ASIC2: variants seen among roughly 807,000 people sequenced by gnomAD.
ASIC2 encodes acid-sensing ion channel 2.
A neutral mutation model predicts 57.3 loss-of-function variants in ASIC2; 25 were observed. The ratio of observed to expected loss-of-function variants is 0.44; its 90% CI spans 0.32 to 0.61. The LOEUF is 0.61. Ranked by LOEUF, ASIC2 falls within the 20% of genes least tolerant of loss-of-function variation. ASIC2 has a pLI of 0.06. For missense variants in ASIC2, 641 were observed against 738.1 expected, an observed-to-expected ratio of 0.87 and a Z score of 1.52; for synonymous variants, 319 against 307.5, an observed-to-expected ratio of 1.04 and a Z score of -0.39.
At chr17:33,081,549 C>T (rs1016765561) in intron 3 of ASIC2, among the ~76,000 whole-genome samples, 3 of 141,368 alleles carry the variant, frequency 2.1e-5, no homozygotes, top group African/African-American at 9.4e-5. Context: ...GTAATAAATT[C>T]TCTCTTCTGC....
intron 1 of ASIC2, among the ~76,000 whole-genome samples, chr17:33,565,511 G>C (rs1487299521): frequency 2.0e-5 from 3 of 152,150 alleles, no homozygotes; most frequent in African/African-American, 7.2e-5. Flanking sequence ...ACAGTCCTTA[G>C]AGGTAAAGTG....
chr17:33,401,066 C>T (rs1275725756), intron 1 of ASIC2, among the ~76,000 whole-genome samples: 1 of 152,192 alleles, frequency 6.6e-6, no homozygotes, highest in Non-Finnish European at 1.5e-5. Flanking sequence ...ATGTGAATGA[C>T]ATCGCCGTCT....
chr17:33,891,713 G>A (rs777222971), intron 1 of ASIC2, among the ~76,000 whole-genome samples: 28 of 152,168 alleles, frequency 1.8e-4, no homozygotes, highest in Non-Finnish European at 3.5e-4. Flanking sequence ...GGCATATGAT[G>A]TGCAAACACT....
At chr17:33,606,347 A>T (rs1905232275) in intron 1 of ASIC2, among the ~76,000 whole-genome samples, 1 of 152,174 alleles carries the variant, frequency 6.6e-6, no homozygotes, top group Non-Finnish European at 1.5e-5. Context: ...TCTTAGAATT[A>T]CTGAGGCTTA....
chr17:33,701,055 G>A (rs2046898), intron 1 of ASIC2, among the ~76,000 whole-genome samples: 29,296 of 152,098 alleles, frequency 0.19, 3,401 homozygotes, highest in African/African-American at 0.33. Context: ...TGAGGTCACA[G>A]TATCAAGCTA....
intron 1 of ASIC2, among the ~76,000 whole-genome samples, chr17:34,127,693 G>A (rs914194454): frequency 6.6e-6 from 1 of 152,182 alleles, no homozygotes; most frequent in African/African-American, 2.4e-5. Flanking sequence ...GCTGCAGGAC[G>A]GATGCAACAG....
chr17:33,963,378 C>T (rs1345678509), intron 1 of ASIC2, among the ~76,000 whole-genome samples: 1 of 152,146 alleles, frequency 6.6e-6, no homozygotes, highest in East Asian at 1.9e-4. Flanking sequence ...CTGCCCCATG[C>T]TATTTCCCCA....
At chr17:33,485,466 A>G (rs1913547028) in intron 1 of ASIC2, among the ~76,000 whole-genome samples, 1 of 152,212 alleles carries the variant, frequency 6.6e-6, no homozygotes, top group African/African-American at 2.4e-5. Context: ...TCCACTTAGC[A>G]ATGTATACAG....
chr17:33,309,644 C>T (rs192138744), intron 1 of ASIC2, among the ~76,000 whole-genome samples: 1 of 152,004 alleles, frequency 6.6e-6, no homozygotes, highest in African/African-American at 2.4e-5. Context: ...CCTCTTGTGG[C>T]CTTTATCCCA....
intron 1 of ASIC2, among the ~76,000 whole-genome samples, chr17:33,163,924 G>A (rs1905232398): frequency 6.6e-6 from 1 of 152,170 alleles, no homozygotes; most frequent in Non-Finnish European, 1.5e-5. Context: ...ACATTTTTGA[G>A]GAAAGCCCAG....
chr17:33,913,957 A>G (rs543282194), intron 1 of ASIC2, among the ~76,000 whole-genome samples: 2 of 152,358 alleles, frequency 1.3e-5, no homozygotes, highest in South Asian at 4.1e-4. Context: ...TAAAACTCGG[A>G]GACTATGTCT....
chr17:34,075,828 T>C (rs1307500889), intron 1 of ASIC2, among the ~76,000 whole-genome samples: 1 of 55,482 alleles, frequency 1.8e-5, no homozygotes, highest in Non-Finnish European at 3.0e-5. Flanking sequence ...TTTTCCTTTT[T>C]TTTTTTTTTT....
intron 1 of ASIC2, among the ~76,000 whole-genome samples, chr17:34,140,840 C>T (rs541796777): frequency 6.6e-6 from 1 of 152,108 alleles, no homozygotes; most frequent in African/African-American, 2.4e-5. Context: ...ATTCAAAAAC[C>T]ATCATTTGGC....
intron 1 of ASIC2, among the ~76,000 whole-genome samples, chr17:33,121,823 T>C (rs2092303737): frequency 6.6e-6 from 1 of 152,152 alleles, no homozygotes; most frequent in South Asian, 2.1e-4. Flanking sequence ...GGATAATTAT[T>C]AAGACAGAGA....
intron 1 of ASIC2, among the ~76,000 whole-genome samples, chr17:33,584,103 G>C (rs1904535213): frequency 6.6e-6 from 1 of 152,130 alleles, no homozygotes; most frequent in South Asian, 2.1e-4. Flanking sequence ...CCATTTATTT[G>C]ATTAATTGAA....
intron 1 of ASIC2, among the ~76,000 whole-genome samples, chr17:33,970,947 G>A (rs1905212907): frequency 6.6e-6 from 1 of 152,172 alleles, no homozygotes; most frequent in African/African-American, 2.4e-5. Context: ...TCCTGCAAAA[G>A]AGGTAGCCAG....
chr17:33,714,165 T>C (rs977553687), intron 1 of ASIC2, among the ~76,000 whole-genome samples: 4 of 152,190 alleles, frequency 2.6e-5, no homozygotes, highest in African/African-American at 9.7e-5. Flanking sequence ...TGGTAATATG[T>C]AAAACAATTT....
chr17:33,726,182 G>T (rs770203890), intron 1 of ASIC2, among the ~76,000 whole-genome samples: 1 of 152,130 alleles, frequency 6.6e-6, no homozygotes, highest in Non-Finnish European at 1.5e-5. Flanking sequence ...CTTCTGGAGA[G>T]ATCACGTGAA....
intron 1 of ASIC2, among the ~76,000 whole-genome samples, chr17:33,993,309 G>C (rs1906057068): frequency 1.3e-5 from 2 of 152,196 alleles, no homozygotes; most frequent in African/African-American, 4.8e-5. Context: ...TGTCCAGAAT[G>C]ATGATTTAGT....
Sources: gnomAD v4.1 joint callset for allele counts (sites outside exome capture counted in the v4.1 genomes callset) on GRCh38, gnomAD v4.1.1 for gene constraint, MANE v1.5 for transcripts, NCBI Gene and HGNC (gene_info 2026-07-23, HGNC 2026-07-21) for gene names.